MTERF2: variants seen among roughly 807,000 people sequenced by gnomAD.
MTERF2 encodes the protein transcription termination factor 2, mitochondrial.
MTERF2 carries 23 observed loss-of-function variants against 29.2 expected under a neutral mutation model. That is an observed-to-expected ratio of 0.79 (90% confidence interval 0.57 to 1.12). The LOEUF (loss-of-function observed/expected upper bound fraction) is 1.12, where lower values mean the gene tolerates loss of function less well. Ranked by LOEUF, MTERF2 falls within the 50% of genes most tolerant of loss-of-function variation. MTERF2 has a pLI of 0.00. For missense variants in MTERF2, 440 were observed against 429.4 expected, an observed-to-expected ratio of 1.02 and a Z score of -0.22; for synonymous variants, 157 against 159.5, an observed-to-expected ratio of 0.98 and a Z score of 0.12.
intron 1 of MTERF2, 185 bp from the exon 2 acceptor site, chr12:106,985,410 G>C (rs1227148279): frequency 6.6e-6 from 1 of 152,246 alleles, no homozygotes; most frequent in African/African-American, 2.4e-5. Context: ...GGTCTTTGAA[G>C]ACTGTGGGCC....
chr12:106,977,931 T>C lies in MTERF2; in HGVS notation c.784A>G (p.Ser262Gly). The C allele has an allele frequency of 6.2e-7, 1 of 1,614,136 alleles. No homozygotes were observed. The highest frequency in any genetic ancestry group is 8.5e-7 in the Non-Finnish European group (1 of 1,180,008). The stretch of plus-strand genomic sequence containing the variant: ...GAGAAGGAAATACTATTCTGTATAC[T>C]TCTTGGGCAAAGTTGAAAAAGAAAT... ...KGFLFQLCPR[S>G]IQNSISFSKN... The change falls in exon 3 of 3, where the codon AGT (serine) becomes GGT (glycine). Residue 262 changes from serine to glycine, a missense_variant. Physicochemically the swap from Ser to Gly is moderately conservative, Grantham distance 56. Coordinates refer to ENST00000240050, the MANE Select transcript of MTERF2 (RefSeq NM_001033050.3).
At position 106,977,742 on chromosome 12, in the gene MTERF2, A is replaced by T. The variant is rs1165264144; in HGVS notation, c.973T>A (p.Leu325Ile). 1.9e-6 allele frequency: 3 copies of T among 1,613,970 alleles called. No individual in the cohort carries two copies. In the Admixed American group the frequency reaches 5.0e-5, roughly 27 times the overall value. The change falls in exon 3 of 3, where the codon TTA (leucine) becomes ATA (isoleucine). Residue 325 changes from leucine to isoleucine, a missense_variant. Leu to Ile is a conservative substitution (Grantham distance 5). Transcript: ENST00000240050. ...CTGTACTGTACTATCTGTGGTGTTA[A>T]TTCAAGAACCATTGGCGTCTCTCTT... is the stretch of plus-strand genomic sequence containing the variant. ...QIRETPMVLELTPQIVQYRIR... is the reference protein window; with the variant it reads ...QIRETPMVLEITPQIVQYRIR...
At chr12:106,983,595 TA>T (rs1432952460) in intron 2 of MTERF2, among the ~76,000 whole-genome samples, 1 of 152,224 alleles carries the variant, frequency 6.6e-6, no homozygotes, top group Non-Finnish European at 1.5e-5. Flanking sequence ...TTTCCTCCCA[TA>T]TTTTTGTTTG....
intron 2 of MTERF2, among the ~76,000 whole-genome samples, chr12:106,982,856 T>C (rs1408605485): frequency 6.6e-6 from 1 of 152,216 alleles, no homozygotes; most frequent in Non-Finnish European, 1.5e-5. Flanking sequence ...ACAGGCAGTA[T>C]GAGTGATTCT....
intron 2 of MTERF2, among the ~76,000 whole-genome samples, chr12:106,982,708 T>C (rs1324147534): frequency 6.6e-6 from 1 of 152,214 alleles, no homozygotes; most frequent in African/African-American, 2.4e-5. Context: ...GCTGAATAAA[T>C]GTCCACATCT....
intron 2 of MTERF2, among the ~76,000 whole-genome samples, chr12:106,981,647 A>G (rs992637125): frequency 6.6e-6 from 1 of 151,928 alleles, no homozygotes; most frequent in Non-Finnish European, 1.5e-5. Context: ...CAGCCTCCTG[A>G]GTAGCTGGGA....
chr12:106,986,838 C>T (rs1028587223), intron 1 of MTERF2, 131 bp downstream of exon 1: 1 of 152,238 alleles, frequency 6.6e-6, no homozygotes, highest in Non-Finnish European at 1.5e-5. Context: ...CACTGTGGGG[C>T]CTCCGCTTTT....
At chr12:106,983,638 G>GA (rs1260793506) in intron 2 of MTERF2, among the ~76,000 whole-genome samples, 2 of 152,104 alleles carry the variant, frequency 1.3e-5, no homozygotes, top group Non-Finnish European at 2.9e-5. Context: ...AAGTTCATTT[G>GA]AAATTTCTGG....
At chr12:106,981,942 A>T (rs558284570) in intron 2 of MTERF2, among the ~76,000 whole-genome samples, 181 of 152,332 alleles carry the variant, frequency 1.2e-3, no homozygotes, top group African/African-American at 3.9e-3. Context: ...AGTCTTTCAC[A>T]ATCCCCACCA....
intron 2 of MTERF2, among the ~76,000 whole-genome samples, chr12:106,979,238 C>T (rs1198095919): frequency 1.3e-5 from 2 of 152,152 alleles, no homozygotes; most frequent in African/African-American, 4.8e-5. Context: ...ATTATGCACA[C>T]ACACACAAAC....
rs961037765 is a variant in MTERF2 at position 106,987,118 on chromosome 12, T to A, written c.-318A>T. On this transcript the variant is annotated 5_prime_UTR_variant, in exon 1 of 3. Transcript: ENST00000240050. Reference sequence around the variant, plus strand: ...CTCGGTCTCAAGAAGCTCCCGACAGTTCTCAGCAGCGCCAACCAGGCCATC... The same window carrying A: ...CTCGGTCTCAAGAAGCTCCCGACAGATCTCAGCAGCGCCAACCAGGCCATC... 2 of 152,304 alleles carry A rather than the reference T, an allele frequency of 1.3e-5. No individual in the cohort carries two copies. Among genetic ancestry groups the A allele is most frequent in the African/African-American group, 4.8e-5 (2 of 41,424 alleles). 9.4% of individuals were successfully genotyped at this position (152,304 alleles called of 1,614,324 possible). A position where few individuals can be genotyped will look rare whatever the true frequency, so the allele number is the denominator to read the frequency against.
intron 2 of MTERF2, among the ~76,000 whole-genome samples, chr12:106,979,073 C>T (rs1163971461): frequency 1.3e-5 from 2 of 151,720 alleles, no homozygotes; most frequent in African/African-American, 2.4e-5. Context: ...TCCACAACTT[C>T]GATATCTTAT....
In MTERF2 at chr12:106,977,614, C is replaced by T. The variant is rs764377781; in HGVS notation, c.1101G>A (p.Gln367=). The T allele has an allele frequency of 1.9e-6, 3 of 1,613,244 alleles. No individual in the cohort carries two copies. Among genetic ancestry groups the T allele is most frequent in the Non-Finnish European group, 2.5e-6 (3 of 1,179,718 alleles). Residue 367 remains glutamine (Q), a synonymous_variant, in exon 3 of 3, where the codon CAG becomes CAA. Transcript: ENST00000240050. ...KEFEANFGKI[Q]AKKVRPLFNP... The stretch of plus-strand genomic sequence containing the variant: ...TAAATAATGGCCTTACTTTTTTGGC[C>T]TGAATTTTGCCAAAATTAGCTTCAA...
In MTERF2 at chr12:106,985,066, C is replaced by T. The variant is rs538264477; in HGVS notation, c.-58+49G>A. On this transcript the variant is annotated intron_variant, in intron 2 of 2. Transcript: ENST00000240050. The stretch of plus-strand genomic sequence containing the variant: ...TTCTCGCCACCCTCTATCTGTCTCC[C>T]ATACAAGCTCACCTTCAAGGCTTGG... 4 of 152,364 alleles carry T rather than the reference C, an allele frequency of 2.6e-5. No homozygotes were observed. In the East Asian group the frequency reaches 5.8e-4, roughly 22 times the overall value. The allele number at this position is 152,364 out of a possible 1,614,324, so 9.4% of individuals were successfully genotyped here.
chr12:106,983,175 T>C (rs1952070860), intron 2 of MTERF2, among the ~76,000 whole-genome samples: 1 of 152,170 alleles, frequency 6.6e-6, no homozygotes, highest in African/African-American at 2.4e-5. Context: ...AAGATATAAA[T>C]AACAAAAAAT....
rs964124533 is a variant in MTERF2 at position 106,977,794 on chromosome 12, C to G, written c.921G>C (p.Leu307Phe). The change falls in exon 3 of 3, where the codon TTG (leucine) becomes TTC (phenylalanine). Residue 307 changes from leucine to phenylalanine, a missense_variant. By Grantham distance (22) the Leu-to-Phe change is conservative. Coordinates refer to ENST00000240050, the MANE Select transcript of MTERF2 (RefSeq NM_001033050.3). ...PVLEERMQGL[L>F]REGISIAQIR... ...TCTGAGCTATGGAAATTCCTTCTCTCAATAATCCTTGCATTCTCTCTTCTA... is the reference window on the plus strand; with the variant it reads ...TCTGAGCTATGGAAATTCCTTCTCTGAATAATCCTTGCATTCTCTCTTCTA... 1 of 1,613,848 alleles carries G rather than the reference C, an allele frequency of 6.2e-7. No individual in the cohort carries two copies. The highest frequency in any genetic ancestry group is 8.5e-7 in the Non-Finnish European group (1 of 1,180,002).
chr12:106,984,215 T>C (rs1470290589), intron 2 of MTERF2, among the ~76,000 whole-genome samples: 1 of 152,180 alleles, frequency 6.6e-6, no homozygotes, highest in African/African-American at 2.4e-5. Context: ...CCTCCTCTGA[T>C]GCTCCAGCCA....
chr12:106,986,070 C>T (rs919472621), intron 1 of MTERF2: 1 of 152,218 alleles, frequency 6.6e-6, no homozygotes, highest in Admixed American at 6.5e-5. Context: ...GAACGGTGTT[C>T]TGCTTTATTC....
At chr12:106,982,368 C>T (rs1286165024) in intron 2 of MTERF2, among the ~76,000 whole-genome samples, 1 of 152,198 alleles carries the variant, frequency 6.6e-6, no homozygotes. Context: ...AGACACCACA[C>T]AGATGAAGTA....
Sources: allele counts gnomAD v4.1 joint callset (sites outside exome capture counted in the v4.1 genomes callset), GRCh38; gene constraint gnomAD v4.1.1; transcripts MANE v1.5; gene names NCBI Gene and HGNC (gene_info 2026-07-23, HGNC 2026-07-21).